The following ZNF804A variants were observed in gnomAD, a reference collection of about 807,000 sequenced individuals.
ZNF804A encodes the protein zinc finger protein 804A.
In ZNF804A, 2 loss-of-function variants were observed where a neutral mutation model predicts 16.5. That is an observed-to-expected ratio of 0.12 (90% CI 0.05 to 0.38). The LOEUF is 0.38. Ranked by LOEUF, ZNF804A falls within the 10% of genes least tolerant of loss-of-function variation. The pLI is 0.99. For synonymous variants in ZNF804A, 534 were observed against 489.6 expected (o/e 1.09, Z -1.20); for missense variants, 1,473 against 1,390.7 (o/e 1.06, Z -0.94).
chr2:184,598,671 C>T lies in ZNF804A; in HGVS notation c.-289C>T, dbSNP rs1690991840. 4.4e-6 allele frequency: 1 copy of T among 224,924 alleles called. No homozygotes were observed. The highest frequency in any genetic ancestry group is 8.6e-6 in the Non-Finnish European group (1 of 115,892). 13.9% of individuals were successfully genotyped at this position (224,924 alleles called of 1,614,324 possible). A position where few individuals can be genotyped will look rare whatever the true frequency, so the allele number is the denominator to read the frequency against. ...CTCGGTTCCGTTTCGCCGGCCCGGCCCCCTCCTAGGCTGGAATCCTCCCGC... is the reference window on the plus strand; with the variant it reads ...CTCGGTTCCGTTTCGCCGGCCCGGCTCCCTCCTAGGCTGGAATCCTCCCGC... On this transcript the variant is annotated 5_prime_UTR_variant, in exon 1 of 4. Coordinates refer to ENST00000302277, the MANE Select transcript of ZNF804A (RefSeq NM_194250.2).
At chr2:184,716,371 T>C (rs1158679254) in intron 1 of ZNF804A, among the ~76,000 whole-genome samples, 1 of 152,058 alleles carries the variant, frequency 6.6e-6, no homozygotes, top group Non-Finnish European at 1.5e-5. Flanking sequence ...TTTCTTTTAG[T>C]AATGTAATAA....
intron 1 of ZNF804A, among the ~76,000 whole-genome samples, chr2:184,728,195 A>T (rs970711683): frequency 6.6e-6 from 1 of 151,858 alleles, no homozygotes; most frequent in Non-Finnish European, 1.5e-5. Flanking sequence ...CACCAGAAAT[A>T]GAAATAACCA....
At chr2:184,915,447 T>C (rs1364857994) in intron 2 of ZNF804A, among the ~76,000 whole-genome samples, 1 of 152,116 alleles carries the variant, frequency 6.6e-6, no homozygotes, top group African/African-American at 2.4e-5. Flanking sequence ...CATCAATGCC[T>C]CTTACACTTG....
chr2:184,857,566 A>T (rs1343396145), intron 1 of ZNF804A, among the ~76,000 whole-genome samples: 1 of 152,122 alleles, frequency 6.6e-6, no homozygotes, highest in East Asian at 1.9e-4. Context: ...CCATTGCTGG[A>T]AATGGAGCAA....
chr2:184,900,435 A>G (rs868423513), intron 2 of ZNF804A, among the ~76,000 whole-genome samples: 5 of 152,152 alleles, frequency 3.3e-5, no homozygotes, highest in Admixed American at 6.6e-5. Context: ...TTCCAAGTGT[A>G]TAGACAGGGG....
At chr2:184,888,193 G>T (rs1684926423) in intron 2 of ZNF804A, among the ~76,000 whole-genome samples, 1 of 151,750 alleles carries the variant, frequency 6.6e-6, no homozygotes, top group Non-Finnish European at 1.5e-5. Flanking sequence ...TTTACTTTGG[G>T]ACATACTTAA....
At chr2:184,667,445 C>A (rs1692270918) in intron 1 of ZNF804A, among the ~76,000 whole-genome samples, 1 of 151,826 alleles carries the variant, frequency 6.6e-6, no homozygotes, top group Non-Finnish European at 1.5e-5. Flanking sequence ...AAAATTATCA[C>A]ACACATATTG....
intron 2 of ZNF804A, among the ~76,000 whole-genome samples, chr2:184,892,480 GTTCTTTTT>G (rs1429515613): frequency 7.0e-5 from 6 of 85,514 alleles, no homozygotes; most frequent in African/African-American, 2.5e-4. Context: ...ACATTGTTGT[GTTCTTTTT>G]TTTTTTTTTT....
intron 1 of ZNF804A, among the ~76,000 whole-genome samples, chr2:184,652,782 C>A (rs1017355194): frequency 6.6e-6 from 1 of 152,162 alleles, no homozygotes; most frequent in African/African-American, 2.4e-5. Flanking sequence ...ATGGGAGGGA[C>A]CTCATGGGAG....
At chr2:184,903,510 A>C (rs761276135) in intron 2 of ZNF804A, among the ~76,000 whole-genome samples, 2 of 152,116 alleles carry the variant, frequency 1.3e-5, no homozygotes, top group Non-Finnish European at 2.9e-5. Flanking sequence ...GGTTTGTGTA[A>C]GTACACTCTA....
chr2:184,925,652 G>A (rs1299060474), intron 2 of ZNF804A, among the ~76,000 whole-genome samples: 2 of 151,486 alleles, frequency 1.3e-5, no homozygotes, highest in Non-Finnish European at 1.5e-5. Flanking sequence ...TTTCAGTAAA[G>A]GTAATTTTCT....
At chr2:184,774,674 A>T (rs1211756813) in intron 1 of ZNF804A, among the ~76,000 whole-genome samples, 1 of 151,806 alleles carries the variant, frequency 6.6e-6, no homozygotes, top group East Asian at 1.9e-4. Context: ...AAGAAAAATT[A>T]GTTCTATTTT....
intron 1 of ZNF804A, among the ~76,000 whole-genome samples, chr2:184,619,221 T>C (rs1246153576): frequency 6.6e-6 from 1 of 152,090 alleles, no homozygotes; most frequent in East Asian, 1.9e-4. Flanking sequence ...TATATAGTGA[T>C]AAATATTATA....
intron 1 of ZNF804A, among the ~76,000 whole-genome samples, chr2:184,676,826 G>T (rs137861916): frequency 2.0e-5 from 3 of 151,630 alleles, no homozygotes; most frequent in African/African-American, 7.2e-5. Context: ...TTCTGAAGTG[G>T]ACTATGTTCA....
chr2:184,878,542 A>C (rs1250440257), intron 2 of ZNF804A, among the ~76,000 whole-genome samples: 1 of 152,064 alleles, frequency 6.6e-6, no homozygotes, highest in Non-Finnish European at 1.5e-5. Flanking sequence ...GCCCTCAAAC[A>C]AAGAATATTT....
chr2:184,660,946 C>A (rs1017985672), intron 1 of ZNF804A, among the ~76,000 whole-genome samples: 3 of 152,036 alleles, frequency 2.0e-5, no homozygotes, highest in Non-Finnish European at 4.4e-5. Flanking sequence ...TGTCAATAGC[C>A]CTTCCAGAAG....
Position 184,761,948 on chromosome 2 carries a change from A to G in ZNF804A, c.112-104421A>G, listed in dbSNP as rs188650014. Among the ~76,000 whole-genome samples the G allele has an allele frequency of 8.2e-4, 125 of 152,264 alleles. No homozygotes were observed. In the East Asian group the frequency reaches 0.022, roughly 27 times the overall value. Reference sequence around the variant, plus strand: ...AAACTTTTGATACCATCTTCTGAAGAAGGCTATATTTTAAATTTTTCCAAC... The same window carrying G: ...AAACTTTTGATACCATCTTCTGAAGGAGGCTATATTTTAAATTTTTCCAAC... On this transcript the variant is annotated intron_variant, in intron 1 of 3. Coordinates refer to ENST00000302277, the MANE Select transcript of ZNF804A (RefSeq NM_194250.2).
At chr2:184,878,198 A>G (rs1407607806) in intron 2 of ZNF804A, among the ~76,000 whole-genome samples, 1 of 152,098 alleles carries the variant, frequency 6.6e-6, no homozygotes, top group Non-Finnish European at 1.5e-5. Flanking sequence ...AGGACTAGTA[A>G]GATAACTGAT....
chr2:184,677,441 A>G (rs963810219), intron 1 of ZNF804A, among the ~76,000 whole-genome samples: 2 of 151,984 alleles, frequency 1.3e-5, no homozygotes, highest in African/African-American at 4.8e-5. Context: ...TGAGTGGTGT[A>G]GACAGTACAC....
Sources: gnomAD v4.1 joint callset for allele counts (sites outside exome capture counted in the v4.1 genomes callset) on GRCh38, gnomAD v4.1.1 for gene constraint, MANE v1.5 for transcripts, NCBI Gene and HGNC (gene_info 2026-07-23, HGNC 2026-07-21) for gene names.